The following HERC1 variants were observed in gnomAD, a reference collection of about 807,000 sequenced individuals.
The protein encoded by HERC1 is probable E3 ubiquitin-protein ligase HERC1.
A neutral mutation model predicts 554.3 loss-of-function variants in HERC1; 160 were observed. That is an observed-to-expected ratio of 0.29 (90% CI 0.25 to 0.33). The LOEUF is 0.33. HERC1 is among the 10% of genes least tolerant of loss of function. The pLI is 1.00. For missense variants in HERC1, 4,919 were observed against 5,918.5 expected (o/e 0.83, Z 5.54); for synonymous variants, 2,175 against 2,131.7 (o/e 1.02, Z -0.56).
chr15:63,709,084 G>A (rs2073161101), intron 24 of HERC1, among the ~76,000 whole-genome samples: 1 of 152,160 alleles, frequency 6.6e-6, no homozygotes, highest in East Asian at 1.9e-4. Flanking sequence ...CCGCCTCCCA[G>A]ATTCAAGTGA....
intron 18 of HERC1, among the ~76,000 whole-genome samples, chr15:63,724,636 C>G (rs1010839175): frequency 6.6e-6 from 1 of 151,962 alleles, no homozygotes; most frequent in Admixed American, 6.6e-5. Context: ...TATCATGTAG[C>G]CTGTCTAATC....
At position 63,640,302 on chromosome 15, in the gene HERC1, T is replaced by G. The variant is rs2068978767; in HGVS notation, c.11751A>C (p.Ala3917=). The G allele has an allele frequency of 6.2e-7, 1 of 1,613,932 alleles. No homozygotes were observed. The highest frequency in any genetic ancestry group is 8.5e-7 in the Non-Finnish European group (1 of 1,179,842). Reference sequence around the variant, plus strand: ...AGGCCCATTCATTTGGATTCCAGGATGCAGGGTCAGGGAGACAGTTCTGGT... The same window carrying G: ...AGGCCCATTCATTTGGATTCCAGGAGGCAGGGTCAGGGAGACAGTTCTGGT... The part of the protein sequence containing the change: ...PHHQNCLPDP[A]SWNPNEWAWL... The change falls in exon 61 of 78, where the codon GCA becomes GCC. Residue 3917 remains alanine, a synonymous_variant. Transcript: ENST00000443617.
At position 63,710,059 on chromosome 15, in the gene HERC1, T is replaced by G. The variant is rs566759463; in HGVS notation, c.4584+2716A>C. ...TTGGGGTCTGGCAGATGAACTACTATGGCAAAAATGCAGACCACTGCAGAA... is the reference window on the plus strand; with the variant it reads ...TTGGGGTCTGGCAGATGAACTACTAGGGCAAAAATGCAGACCACTGCAGAA... On this transcript the variant is annotated intron_variant, in intron 24 of 77. Coordinates refer to ENST00000443617, the MANE Select transcript of HERC1 (RefSeq NM_003922.4). Among the ~76,000 whole-genome samples the G allele has an allele frequency of 1.2e-3, 185 of 152,324 alleles. 1 individual carries two copies. Among genetic ancestry groups the G allele is most frequent in the African/African-American group, 4.4e-3 (182 of 41,564 alleles).
Position 63,775,034 on chromosome 15 carries a change from A to T in HERC1, c.590T>A (p.Ile197Asn). ...TGGTGGCAAAGAGCTCACAACTTCA[A>T]TTGCAGTATGAATGACATCGTTGCA... ...SLCNDVIHTA[I>N]EVVSSLPPLS... Residue 197 changes from isoleucine to asparagine, a missense_variant, in exon 2 of 78, where the codon ATT (isoleucine) becomes AAT (asparagine). Coordinates refer to ENST00000443617, the MANE Select transcript of HERC1 (RefSeq NM_003922.4). The surrounding 1 kb of genome is among the most constrained non-coding windows in gnomAD (Gnocchi z 4.0). 3 of 1,614,002 alleles carry T rather than the reference A, an allele frequency of 1.9e-6. No homozygotes were observed. The highest frequency in any genetic ancestry group is 3.3e-4 in the Middle Eastern group (2 of 6,062).
intron 31 of HERC1, among the ~76,000 whole-genome samples, chr15:63,691,988 CTG>C (rs1331036794): frequency 7.9e-5 from 12 of 152,284 alleles, no homozygotes; most frequent in African/African-American, 2.9e-4. Context: ...TTCTATAGAA[CTG>C]TGATAAATAT....
At chr15:63,738,587 G>A (rs1485168408) in intron 12 of HERC1, among the ~76,000 whole-genome samples, 2 of 152,048 alleles carry the variant, frequency 1.3e-5, no homozygotes, top group African/African-American at 2.4e-5. Flanking sequence ...TTCAGAGAGG[G>A]TCAAAGGAAA....
chr15:63,631,621 C>T (rs1226673988), intron 68 of HERC1, among the ~76,000 whole-genome samples: 1 of 152,224 alleles, frequency 6.6e-6, no homozygotes, highest in Non-Finnish European at 1.5e-5. Flanking sequence ...CTCACTGCAA[C>T]CTCTGCCTTC....
chr15:63,820,145 T>C (rs918941233), intron 1 of HERC1, among the ~76,000 whole-genome samples: 1 of 152,144 alleles, frequency 6.6e-6, no homozygotes, highest in African/African-American at 2.4e-5. Context: ...AAAAAATACA[T>C]GAAACTTCTT....
intron 74 of HERC1, among the ~76,000 whole-genome samples, chr15:63,620,194 T>C (rs909410947): frequency 2.0e-5 from 3 of 152,232 alleles, no homozygotes; most frequent in African/African-American, 7.2e-5. Context: ...GTATGTTGTG[T>C]CTTTGTTCTC....
rs1247480014 is a variant in HERC1 at position 63,623,885 on chromosome 15, C to T, written c.13451G>A (p.Arg4484Gln). The change falls in exon 73 of 78, where the codon CGG (arginine) becomes CAG (glutamine). Residue 4484 changes from arginine to glutamine, a missense_variant. Coordinates refer to ENST00000443617, the MANE Select transcript of HERC1 (RefSeq NM_003922.4). ...TTGGACAAAAATAGGCTTACACTTC[C>T]GTCCTCTTTAAAAGAAAGGGAGAAA... Reference protein sequence around the residue: ...ITVKRISTRGRKCKPIFVQIA... With the variant: ...ITVKRISTRGQKCKPIFVQIA... 1.2e-5 allele frequency: 19 copies of T among 1,613,638 alleles called. No homozygotes were observed. The highest frequency in any genetic ancestry group is 1.7e-5 in the Admixed American group (1 of 59,978).
intron 43 of HERC1, 145 bp from the exon 44 acceptor site, chr15:63,663,349 C>T: frequency 3.0e-6 from 2 of 670,774 alleles, no homozygotes; most frequent in Non-Finnish European, 5.1e-6. Context: ...CAAATTATAC[C>T]TATCACGTGT....
intron 39 of HERC1, among the ~76,000 whole-genome samples, chr15:63,670,552 C>A (rs988202781): frequency 1.3e-5 from 2 of 152,122 alleles, no homozygotes; most frequent in Non-Finnish European, 2.9e-5. Flanking sequence ...CTAATGAAGT[C>A]CCAGCCAATA....
intron 19 of HERC1, among the ~76,000 whole-genome samples, chr15:63,719,414 T>A (rs1596060839): frequency 6.6e-6 from 1 of 152,322 alleles, no homozygotes; most frequent in Non-Finnish European, 1.5e-5. Flanking sequence ...ACAGAATGGG[T>A]AGAAGACATC....
chr15:63,717,287 T>C (rs1187632075), intron 21 of HERC1, among the ~76,000 whole-genome samples: 2 of 152,200 alleles, frequency 1.3e-5, no homozygotes, highest in Non-Finnish European at 2.9e-5. Context: ...TTTCATGGAC[T>C]TTCAAGGTCA....
Position 63,608,734 on chromosome 15 carries a change from T to C in HERC1, c.*347A>G. 5.5e-6 allele frequency: 1 copy of C among 182,472 alleles called. No individual in the cohort carries two copies. Among genetic ancestry groups the C allele is most frequent in the Non-Finnish European group, 1.1e-5 (1 of 87,054 alleles). The allele number at this position is 182,472 out of a possible 1,614,324, so 11.3% of individuals were successfully genotyped here. Reference sequence around the variant, plus strand: ...AAAACTGTCCTTTCTAATGAACAATTATACACAATGTACAATTTCATGTTC... The same window carrying C: ...AAAACTGTCCTTTCTAATGAACAATCATACACAATGTACAATTTCATGTTC... On this transcript the variant is annotated 3_prime_UTR_variant, in exon 78 of 78. Transcript: ENST00000443617.
At chr15:63,766,405 T>G (rs765924143) in intron 2 of HERC1, among the ~76,000 whole-genome samples, 4 of 152,048 alleles carry the variant, frequency 2.6e-5, no homozygotes, top group African/African-American at 9.7e-5. Flanking sequence ...CTGGCCAACA[T>G]GGTAAAACCT....
At chr15:63,697,549 G>C (rs1006150373) in intron 26 of HERC1, among the ~76,000 whole-genome samples, 1 of 150,946 alleles carries the variant, frequency 6.6e-6, no homozygotes, top group Non-Finnish European at 1.5e-5. Context: ...CTGCCTCCTG[G>C]GTTCAAGTGA....
At position 63,636,024 on chromosome 15, in the gene HERC1, C is replaced by T; in HGVS notation, c.12351G>A (p.Gly4117=). 2 of 1,613,908 alleles carry T rather than the reference C, an allele frequency of 1.2e-6. No individual in the cohort carries two copies. Among genetic ancestry groups the T allele is most frequent in the Non-Finnish European group, 1.7e-6 (2 of 1,179,872 alleles). ...TGGGCCGCCGCTGCCTGTCGCTGTT[C>T]CCATGGCCAAGTTTACCATAGTCAC... ...GDGDYGKLGH[G]NSDRQRRPRQ... is the part of the protein sequence containing the mutation. Residue 4117 remains glycine (G), a synonymous_variant, in exon 65 of 78, where the codon GGG becomes GGA. Transcript: ENST00000443617.
chr15:63,692,154 G>T lies in HERC1; in HGVS notation c.5830+257C>A, dbSNP rs2072150191. On this transcript the variant is annotated intron_variant, in intron 31 of 77. Coordinates refer to ENST00000443617, the MANE Select transcript of HERC1 (RefSeq NM_003922.4). The surrounding 1 kb of genome is among the most constrained non-coding windows in gnomAD (Gnocchi z 4.7). ...ACAGGATGTTCTCTGCTTACTCTTAGGTTTGTAATCTGAACAAAGAGGATG... is the reference window on the plus strand; with the variant it reads ...ACAGGATGTTCTCTGCTTACTCTTATGTTTGTAATCTGAACAAAGAGGATG... Among the ~76,000 whole-genome samples the T allele has an allele frequency of 6.6e-6, 1 of 152,148 alleles. No homozygotes were observed. Among genetic ancestry groups the T allele is most frequent in the Non-Finnish European group, 1.5e-5 (1 of 68,016 alleles).
Sources: allele counts gnomAD v4.1 joint callset (sites outside exome capture counted in the v4.1 genomes callset), GRCh38; gene constraint gnomAD v4.1.1; non-coding constraint Gnocchi (gnomAD v3.1); transcripts MANE v1.5; gene names NCBI Gene and HGNC (gene_info 2026-07-23, HGNC 2026-07-21).